Variants in LHFPL3 observed in about 807,000 individuals in gnomAD.
The protein encoded by LHFPL3 is LHFPL tetraspan subfamily member 3 protein.
In LHFPL3, 5 loss-of-function variants were observed where a neutral mutation model predicts 19.3. The ratio of observed to expected loss-of-function variants is 0.26; its 90% CI spans 0.14 to 0.54. The LOEUF (loss-of-function observed/expected upper bound fraction) is 0.54, where lower values mean the gene tolerates loss of function less well. LHFPL3 is among the 20% of genes least tolerant of loss of function. LHFPL3 has a pLI of 0.94. For missense variants in LHFPL3, 249 were observed against 307.4 expected (o/e 0.81, Z 1.42); for synonymous variants, 133 against 126.2 (o/e 1.05, Z -0.36).
chr7:104,631,299 C>CA (rs11374359), intron 1 of LHFPL3, among the ~76,000 whole-genome samples: 150,866 of 152,202 alleles, frequency 0.99, 74,777 homozygotes, highest in East Asian at 1. Flanking sequence ...CTTTCATTTT[C>CA]AGTGTAAAAC....
chr7:104,454,716 G>A (rs1262266843), intron 1 of LHFPL3, among the ~76,000 whole-genome samples: 1 of 152,106 alleles, frequency 6.6e-6, no homozygotes, highest in African/African-American at 2.4e-5. Context: ...CCCTCCCATA[G>A]AATGAGCTCC....
intron 2 of LHFPL3, among the ~76,000 whole-genome samples, chr7:104,746,299 G>A (rs889270281): frequency 2.0e-5 from 3 of 151,908 alleles, no homozygotes; most frequent in South Asian, 2.1e-4. Flanking sequence ...GAAATAGAGC[G>A]AGACTCCATC....
intron 1 of LHFPL3, among the ~76,000 whole-genome samples, chr7:104,635,864 A>C (rs1177639144): frequency 6.6e-6 from 1 of 152,202 alleles, no homozygotes; most frequent in Non-Finnish European, 1.5e-5. Flanking sequence ...TCTAAGAGGA[A>C]TGTATCCAGG....
chr7:104,603,070 CTT>C (rs1562947422), intron 1 of LHFPL3, among the ~76,000 whole-genome samples: 6,208 of 58,702 alleles, frequency 0.11, 192 homozygotes, highest in Middle Eastern at 0.15. Context: ...CTTTCTTTTT[CTT>C]TCTTTCTTTC....
intron 2 of LHFPL3, among the ~76,000 whole-genome samples, chr7:104,826,987 G>C (rs1790832950): frequency 6.6e-6 from 1 of 151,970 alleles, no homozygotes; most frequent in South Asian, 2.1e-4. Context: ...AAGCCCTTTT[G>C]TACTACCTTA....
At chr7:104,358,570 G>A (rs1352186366) in intron 1 of LHFPL3, among the ~76,000 whole-genome samples, 1 of 152,192 alleles carries the variant, frequency 6.6e-6, no homozygotes, top group Non-Finnish European at 1.5e-5. Flanking sequence ...TGAGAGCATA[G>A]GCAGGCTTTA....
At chr7:104,379,384 A>G (rs1370082584) in intron 1 of LHFPL3, among the ~76,000 whole-genome samples, 1 of 152,232 alleles carries the variant, frequency 6.6e-6, no homozygotes, top group Non-Finnish European at 1.5e-5. Flanking sequence ...TTTCCCTTGT[A>G]AGATTGTAAG....
chr7:104,682,215 A>AT (rs1792716718), intron 1 of LHFPL3, among the ~76,000 whole-genome samples: 1 of 152,198 alleles, frequency 6.6e-6, no homozygotes, highest in Non-Finnish European at 1.5e-5. Flanking sequence ...GTCAAAAAAA[A>AT]GTAGAAAGTG....
intron 2 of LHFPL3, among the ~76,000 whole-genome samples, chr7:104,875,084 G>A (rs1270166586): frequency 6.6e-6 from 1 of 151,936 alleles, no homozygotes; most frequent in Non-Finnish European, 1.5e-5. Context: ...CTGGTCTCAA[G>A]CAATCCTCCT....
intron 1 of LHFPL3, among the ~76,000 whole-genome samples, chr7:104,412,738 G>GT (rs1164636736): frequency 1.3e-5 from 2 of 152,066 alleles, no homozygotes; most frequent in African/African-American, 4.8e-5. Context: ...ATACTAGAGA[G>GT]TTCAGTAGCT....
At chr7:104,795,779 G>A (rs1790111365) in intron 2 of LHFPL3, among the ~76,000 whole-genome samples, 1 of 152,162 alleles carries the variant, frequency 6.6e-6, no homozygotes, top group Admixed American at 6.5e-5. Context: ...GCTCCAAACA[G>A]CCCCTAGAAT....
intron 1 of LHFPL3, among the ~76,000 whole-genome samples, chr7:104,499,689 C>T (rs1793560679): frequency 6.6e-6 from 1 of 152,308 alleles, no homozygotes; most frequent in Non-Finnish European, 1.5e-5. Context: ...TTAGCTCAAT[C>T]TGTTACGTTA....
At chr7:104,469,099 T>C (rs1382093655) in intron 1 of LHFPL3, among the ~76,000 whole-genome samples, 2 of 152,178 alleles carry the variant, frequency 1.3e-5, no homozygotes, top group East Asian at 1.9e-4. Context: ...AGTGGACATA[T>C]GGATGGTTTG....
At chr7:104,668,468 C>A in intron 1 of LHFPL3, 1 of 1,612,180 alleles carries the variant, frequency 6.2e-7, no homozygotes, top group South Asian at 1.1e-5. Flanking sequence ...ATCGGGATGG[C>A]CCACGCCGGG....
chr7:104,769,742 GA>G (rs1489600914), intron 2 of LHFPL3, among the ~76,000 whole-genome samples: 1 of 151,964 alleles, frequency 6.6e-6, no homozygotes, highest in Non-Finnish European at 1.5e-5. Flanking sequence ...AGTTTGTTGA[GA>G]ATGATGGTTT....
At chr7:104,489,046 A>G (rs930710724) in intron 1 of LHFPL3, among the ~76,000 whole-genome samples, 3 of 150,760 alleles carry the variant, frequency 2.0e-5, no homozygotes, top group Admixed American at 6.6e-5. Flanking sequence ...CTGCCTTGAA[A>G]TCTTGCTGCT....
intron 2 of LHFPL3, among the ~76,000 whole-genome samples, chr7:104,814,721 G>A (rs1166035864): frequency 2.0e-5 from 3 of 152,220 alleles, no homozygotes; most frequent in Non-Finnish European, 4.4e-5. Flanking sequence ...TTCCTCCTAT[G>A]CTCGTCAGTG....
At chr7:104,558,140 C>T (rs1360839417) in intron 1 of LHFPL3, among the ~76,000 whole-genome samples, 21 of 150,026 alleles carry the variant, frequency 1.4e-4, no homozygotes, top group African/African-American at 4.2e-4. Flanking sequence ...AATAAACATA[C>T]GTGTGCATGT....
chr7:104,673,440 G>A (rs191801109), intron 1 of LHFPL3, among the ~76,000 whole-genome samples: 225 of 152,346 alleles, frequency 1.5e-3, no homozygotes, highest in African/African-American at 5.2e-3. Context: ...TGCATGATCA[G>A]AGATCTTGGT....
Sources: gnomAD v4.1 joint callset for allele counts (sites outside exome capture counted in the v4.1 genomes callset) on GRCh38, gnomAD v4.1.1 for gene constraint, MANE v1.5 for transcripts, NCBI Gene and HGNC (gene_info 2026-07-23, HGNC 2026-07-21) for gene names.